The following MACROD2 variants were observed in gnomAD, a reference collection of about 807,000 sequenced individuals.
MACROD2 encodes the protein ADP-ribose glycohydrolase MACROD2.
Under a neutral mutation model 70.4 loss-of-function variants are expected in MACROD2, and 36 were observed. The observed-to-expected ratio is 0.51, with a 90% CI of 0.39 to 0.68. MACROD2 has a LOEUF of 0.68. Ranked by LOEUF, MACROD2 falls within the 30% of genes least tolerant of loss-of-function variation. MACROD2 has a pLI of 0.00. For synonymous variants in MACROD2, 172 were observed against 178.8 expected (o/e 0.96, Z 0.30); for missense variants, 496 against 538.4 (o/e 0.92, Z 0.78).
chr20:15,531,956 T>C (rs2047808674), intron 8 of MACROD2, among the ~76,000 whole-genome samples: 1 of 152,188 alleles, frequency 6.6e-6, no homozygotes, highest in African/African-American at 2.4e-5. Flanking sequence ...TGCAAATTAC[T>C]CTTTTATTGT....
chr20:15,285,359 A>G (rs1031666663), intron 6 of MACROD2, among the ~76,000 whole-genome samples: 31 of 152,326 alleles, frequency 2.0e-4, no homozygotes, highest in African/African-American at 4.6e-4. Flanking sequence ...TTTTTTATCT[A>G]TCTTAGCTAT....
intron 2 of MACROD2, among the ~76,000 whole-genome samples, chr20:14,017,747 A>G (rs2053014954): frequency 6.6e-6 from 1 of 152,070 alleles, no homozygotes; most frequent in Non-Finnish European, 1.5e-5. Flanking sequence ...CATAAAGGAT[A>G]TTGGTCTGGT....
chr20:14,014,322 G>T (rs1384710634), intron 2 of MACROD2, among the ~76,000 whole-genome samples: 1 of 147,776 alleles, frequency 6.8e-6, no homozygotes, highest in Non-Finnish European at 1.5e-5. Flanking sequence ...AGTTGACAGA[G>T]AAATTGTATT....
chr20:14,725,636 G>A (rs1185436927), intron 5 of MACROD2, among the ~76,000 whole-genome samples: 1 of 152,134 alleles, frequency 6.6e-6, no homozygotes, highest in African/African-American at 2.4e-5. Flanking sequence ...GGCAATGGAA[G>A]GAGAGGAAGC....
intron 8 of MACROD2, among the ~76,000 whole-genome samples, chr20:15,635,607 G>C (rs1378813634): frequency 6.6e-6 from 1 of 152,002 alleles, no homozygotes; most frequent in Non-Finnish European, 1.5e-5. Context: ...AGGGAGGGAG[G>C]GGAGCGAGGG....
At chr20:15,741,958 A>G (rs149920091) in intron 8 of MACROD2, among the ~76,000 whole-genome samples, 108 of 152,294 alleles carry the variant, frequency 7.1e-4, no homozygotes, top group African/African-American at 2.5e-3. Context: ...TTTTGCCTTG[A>G]GCCCTCATAC....
At chr20:14,690,672 C>A (rs1353130155) in intron 5 of MACROD2, among the ~76,000 whole-genome samples, 2 of 152,132 alleles carry the variant, frequency 1.3e-5, no homozygotes, top group Non-Finnish European at 2.9e-5. Flanking sequence ...GCCAAGGATC[C>A]CTGAGCTGGG....
intron 4 of MACROD2, among the ~76,000 whole-genome samples, chr20:14,585,691 G>C (rs1981328131): frequency 6.6e-6 from 1 of 152,084 alleles, no homozygotes; most frequent in Non-Finnish European, 1.5e-5. Flanking sequence ...GATTAAATAT[G>C]TAAGGTGTTC....
intron 5 of MACROD2, among the ~76,000 whole-genome samples, chr20:14,836,594 C>T (rs1255047001): frequency 1.3e-5 from 2 of 152,022 alleles, no homozygotes; most frequent in African/African-American, 2.4e-5. Context: ...ATTAAAATGT[C>T]TAAAATTATG....
At chr20:15,865,570 T>C (rs2064481136) in intron 9 of MACROD2, among the ~76,000 whole-genome samples, 1 of 152,178 alleles carries the variant, frequency 6.6e-6, no homozygotes, top group Admixed American at 6.5e-5. Context: ...GGTCTTAAGG[T>C]TTCTCTCTCT....
At chr20:14,000,726 T>C (rs2052723536) in intron 1 of MACROD2, among the ~76,000 whole-genome samples, 1 of 152,204 alleles carries the variant, frequency 6.6e-6, no homozygotes, top group Non-Finnish European at 1.5e-5. Flanking sequence ...CGAATGTAAA[T>C]AGAATTATTT....
At chr20:14,200,672 AT>A (rs2081472218) in intron 3 of MACROD2, among the ~76,000 whole-genome samples, 1 of 152,208 alleles carries the variant, frequency 6.6e-6, no homozygotes, top group Non-Finnish European at 1.5e-5. Context: ...AGCTTTCTTA[AT>A]TGTTGGTTAC....
chr20:14,392,210 A>C (rs145952015), intron 3 of MACROD2, among the ~76,000 whole-genome samples: 94 of 152,174 alleles, frequency 6.2e-4, no homozygotes, highest in African/African-American at 2.2e-3. Context: ...ATTGTTATGT[A>C]TTTCAAAATT....
intron 4 of MACROD2, among the ~76,000 whole-genome samples, chr20:14,532,397 T>A (rs986300960): frequency 1.1e-4 from 16 of 151,640 alleles, no homozygotes; most frequent in Admixed American, 2.6e-4. Flanking sequence ...TTTTTTTTTT[T>A]TTTATTTAGT....
At chr20:14,940,640 C>T (rs1331644129) in intron 5 of MACROD2, among the ~76,000 whole-genome samples, 1 of 149,014 alleles carries the variant, frequency 6.7e-6, no homozygotes, top group Non-Finnish European at 1.5e-5. Context: ...GCTTTTTCAG[C>T]ATGTATCAAA....
intron 8 of MACROD2, among the ~76,000 whole-genome samples, chr20:15,569,161 C>T (rs1160238997): frequency 6.6e-6 from 1 of 152,140 alleles, no homozygotes; most frequent in African/African-American, 2.4e-5. Flanking sequence ...ATTGGTTGAT[C>T]AGAAGTGTAA....
At chr20:14,755,209 G>T (rs1423125028) in intron 5 of MACROD2, among the ~76,000 whole-genome samples, 2 of 151,980 alleles carry the variant, frequency 1.3e-5, no homozygotes, top group African/African-American at 4.8e-5. Context: ...CTTTCCTGTT[G>T]CTTTCCCCAC....
intron 12 of MACROD2, among the ~76,000 whole-genome samples, chr20:15,948,008 G>A (rs891025372): frequency 1.3e-5 from 2 of 152,152 alleles, no homozygotes; most frequent in Admixed American, 6.5e-5. Context: ...AATTCAGCAG[G>A]AAGCAGTTAG....
chr20:14,958,867 T>C (rs2074559730), intron 5 of MACROD2, among the ~76,000 whole-genome samples: 1 of 152,070 alleles, frequency 6.6e-6, no homozygotes, highest in African/African-American at 2.4e-5. Flanking sequence ...GCTTGAAAAT[T>C]TGCATTTCTA....
Sources: allele counts gnomAD v4.1 joint callset (sites outside exome capture counted in the v4.1 genomes callset), GRCh38; gene constraint gnomAD v4.1.1; transcripts MANE v1.5; gene names NCBI Gene and HGNC (gene_info 2026-07-23, HGNC 2026-07-21).